KIF3C: variants seen among roughly 807,000 people sequenced by gnomAD.
KIF3C encodes kinesin family member 3C.
Under a neutral mutation model 67.7 loss-of-function variants are expected in KIF3C, and 12 were observed. The observed-to-expected ratio is 0.18, with a 90% CI of 0.11 to 0.29. The LOEUF (loss-of-function observed/expected upper bound fraction) is 0.29. Among genes scored for constraint, KIF3C ranks in the 10% least tolerant of loss-of-function variants. The pLI is 1.00. For synonymous variants in KIF3C, 393 were observed against 426.2 expected (o/e 0.92, Z 0.96); for missense variants, 789 against 1,059.6 (o/e 0.74, Z 3.55).
intron 5 of KIF3C, among the ~76,000 whole-genome samples, chr2:25,930,631 G>A (rs977678144): frequency 1.1e-4 from 17 of 152,056 alleles, no homozygotes; most frequent in Middle Eastern, 3.4e-3. Context: ...TCTGCCTCCC[G>A]GGTTCAAGTG....
At chr2:25,978,867 T>C (rs558871268) in intron 1 of KIF3C, among the ~76,000 whole-genome samples, 2 of 152,252 alleles carry the variant, frequency 1.3e-5, no homozygotes, top group East Asian at 3.9e-4. Flanking sequence ...AATATCTTGC[T>C]TCTCTCAGGA....
At chr2:25,930,231 T>C (rs955669803) in intron 5 of KIF3C, among the ~76,000 whole-genome samples, 168 bp from the exon 6 acceptor site, 1 of 152,212 alleles carries the variant, frequency 6.6e-6, no homozygotes, top group Non-Finnish European at 1.5e-5. Context: ...GCTAGTGCAG[T>C]TGTCCCCCTC....
intron 5 of KIF3C, among the ~76,000 whole-genome samples, chr2:25,950,513 C>G (rs575216975): frequency 6.6e-6 from 1 of 152,042 alleles, no homozygotes; most frequent in Non-Finnish European, 1.5e-5. Context: ...TGAGCCACCA[C>G]GCCCAGCTAG....
rs999922198 is a variant in KIF3C at position 25,955,221 on chromosome 2, C to T, written c.1770+320G>A. Among the ~76,000 whole-genome samples, 1 of 152,144 alleles carries T rather than the reference C, an allele frequency of 6.6e-6. No individual in the cohort carries two copies. Among genetic ancestry groups the T allele is most frequent in the Non-Finnish European group, 1.5e-5 (1 of 68,034 alleles). On this transcript the variant is annotated intron_variant, in intron 3 of 7. Transcript: ENST00000264712. This position sits in a 1 kb window ranked among gnomAD's most constrained non-coding sequence, Gnocchi z 5.0. The stretch of plus-strand genomic sequence containing the variant: ...TGTATTCCCCTGGCCCTGCTCCAGG[C>T]CCAGCTATCCCAACTGTGACTCACT...
In KIF3C at chr2:25,982,449, C is replaced by G. The variant is rs1291704516; in HGVS notation, c.-532G>C. 2.0e-5 allele frequency: 8 copies of G among 398,594 alleles called. No homozygotes were observed. The highest frequency in any genetic ancestry group is 3.5e-5 in the Non-Finnish European group (8 of 226,166). The allele number at this position is 398,594 out of a possible 1,614,324, so 24.7% of individuals were successfully genotyped here. A position where few individuals can be genotyped will look rare whatever the true frequency, so the allele number is the denominator to read the frequency against. ...GCAGCCAGCGCGGCTGCTGCTGCCT[C>G]TGCCTCCGCCTTCCCCGCCGCCGCC... is the stretch of plus-strand genomic sequence containing the variant. On this transcript the variant is annotated 5_prime_UTR_variant, in exon 1 of 8. Coordinates refer to ENST00000264712, the MANE Select transcript of KIF3C (RefSeq NM_002254.8).
chr2:25,935,628 C>T (rs1407754851), intron 5 of KIF3C, among the ~76,000 whole-genome samples: 1 of 152,098 alleles, frequency 6.6e-6, no homozygotes, highest in Non-Finnish European at 1.5e-5. Context: ...TCCCAAAGTG[C>T]TGGGACTTTA....
At chr2:25,941,197 G>C (rs1241593116) in intron 5 of KIF3C, among the ~76,000 whole-genome samples, 1 of 152,070 alleles carries the variant, frequency 6.6e-6, no homozygotes, top group Non-Finnish European at 1.5e-5. Context: ...TAAGCTACTC[G>C]GGAAGTTGAA....
At chr2:25,969,979 G>T (rs367946230) in intron 1 of KIF3C, among the ~76,000 whole-genome samples, 9 of 152,230 alleles carry the variant, frequency 5.9e-5, no homozygotes, top group African/African-American at 2.2e-4. Flanking sequence ...GCCTCCCGAA[G>T]TGCTGGGATT....
At chr2:25,937,855 G>A (rs974602690) in intron 5 of KIF3C, among the ~76,000 whole-genome samples, 1 of 152,062 alleles carries the variant, frequency 6.6e-6, no homozygotes, top group African/African-American at 2.4e-5. Context: ...AGGAGTTCAA[G>A]ACCAGCCTGG....
chr2:25,975,738 C>T (rs564979119), intron 1 of KIF3C, among the ~76,000 whole-genome samples: 1 of 152,130 alleles, frequency 6.6e-6, no homozygotes, highest in African/African-American at 2.4e-5. Context: ...GCGGGTGGAT[C>T]ATGAGGTCAG....
rs1027206014 is a variant in KIF3C at position 25,951,591 on chromosome 2, T to C, written c.2006+198A>G. 12 of 524,054 alleles carry C rather than the reference T, an allele frequency of 2.3e-5. No homozygotes were observed. The East Asian group carries it at 3.9e-4, about 17-fold the overall frequency. 32.5% of individuals were successfully genotyped at this position (524,054 alleles called of 1,614,324 possible). ...TCCCAGGCCAATGAGACACTTTTTT[T>C]CCCAGAACACCCTTCCATCATAGAG... On this transcript the variant is annotated intron_variant, in intron 5 of 7. Coordinates refer to ENST00000264712, the MANE Select transcript of KIF3C (RefSeq NM_002254.8).
Position 25,981,201 on chromosome 2 carries a change from C to T in KIF3C, c.717G>A (p.Val239=), listed in dbSNP as rs1485661800. ...RGSDGQDHIR[V]GKLNLVDLAG... ...CCAGGTCCACGAGGTTGAGCTTGCC[C>T]ACTCGGATGTGGTCCTGGCCATCAG... The change falls in exon 1 of 8, where the codon GTG becomes GTA. Residue 239 remains valine, a synonymous_variant. Coordinates refer to ENST00000264712, the MANE Select transcript of KIF3C (RefSeq NM_002254.8). This position sits in a 1 kb window ranked among gnomAD's most constrained non-coding sequence, Gnocchi z 8.2. 6.2e-7 allele frequency: 1 copy of T among 1,614,104 alleles called. No homozygotes were observed. Among genetic ancestry groups the T allele is most frequent in the Non-Finnish European group, 8.5e-7 (1 of 1,180,032 alleles).
chr2:25,949,505 C>T (rs1449746756), intron 5 of KIF3C, among the ~76,000 whole-genome samples: 1 of 151,906 alleles, frequency 6.6e-6, no homozygotes, highest in African/African-American at 2.4e-5. Flanking sequence ...GATTACACCA[C>T]TGCACTCCAG....
chr2:25,981,231 A>T lies in KIF3C; in HGVS notation c.687T>A (p.Arg229=), dbSNP rs1664585591. 1.2e-6 allele frequency: 2 copies of T among 1,614,020 alleles called. No individual in the cohort carries two copies. The highest frequency in any genetic ancestry group is 2.2e-5 in the South Asian group (2 of 91,084). Residue 229 remains arginine (R), a synonymous_variant, in exon 1 of 8, where the codon CGT becomes CGA. Transcript: ENST00000264712. This position sits in a 1 kb window ranked among gnomAD's most constrained non-coding sequence, Gnocchi z 8.2. The part of the protein sequence containing the change: ...IFIITVECSE[R]GSDGQDHIRV... Reference sequence around the variant, plus strand: ...GGATGTGGTCCTGGCCATCAGAGCCACGTTCGCTGCACTCCACAGTGATGA... The same window carrying T: ...GGATGTGGTCCTGGCCATCAGAGCCTCGTTCGCTGCACTCCACAGTGATGA...
chr2:25,940,081 C>T (rs1574480621), intron 5 of KIF3C, among the ~76,000 whole-genome samples: 6 of 152,146 alleles, frequency 3.9e-5, no homozygotes, highest in Admixed American at 3.3e-4. Context: ...TAGAGCAGGC[C>T]GGTTTCTCCA....
At chr2:25,946,391 C>A (rs1409000800) in intron 5 of KIF3C, among the ~76,000 whole-genome samples, 1 of 151,718 alleles carries the variant, frequency 6.6e-6, no homozygotes, top group Non-Finnish European at 1.5e-5. Context: ...CCCATCTCTA[C>A]TAAAAATATA....
intron 1 of KIF3C, among the ~76,000 whole-genome samples, chr2:25,962,045 G>T (rs1427445334): frequency 1.3e-5 from 2 of 151,950 alleles, no homozygotes; most frequent in Non-Finnish European, 2.9e-5. Flanking sequence ...GAAAAGGAAA[G>T]ATCCAGGCTT....
rs141632227 is a variant in KIF3C at position 25,956,222 on chromosome 2, T to C, written c.1647+121A>G. On this transcript the variant is annotated intron_variant, in intron 2 of 7. Coordinates refer to ENST00000264712, the MANE Select transcript of KIF3C (RefSeq NM_002254.8). ...CCTGTGGGACCCAGGGTGGCATGTC[T>C]GAGATTCTCAGCACTGTAATTCCAG... 2.4e-4 allele frequency: 180 copies of C among 760,394 alleles called. 1 individual carries two copies. Among genetic ancestry groups the C allele is most frequent in the African/African-American group, 2.1e-3 (123 of 57,920 alleles). The allele number at this position is 760,394 out of a possible 1,614,324, so 47.1% of individuals were successfully genotyped here. A position where few individuals can be genotyped will look rare whatever the true frequency, so the allele number is the denominator to read the frequency against.
chr2:25,951,699 C>G (rs1663617363), intron 5 of KIF3C, 90 bp downstream of exon 5: 1 of 781,684 alleles, frequency 1.3e-6, no homozygotes, highest in African/African-American at 1.7e-5. Flanking sequence ...CATCTGTCTC[C>G]CTGCAGGCAA....
Sources: allele counts gnomAD v4.1 joint callset (sites outside exome capture counted in the v4.1 genomes callset), GRCh38; gene constraint gnomAD v4.1.1; non-coding constraint Gnocchi (gnomAD v3.1); transcripts MANE v1.5; gene names NCBI Gene and HGNC (gene_info 2026-07-23, HGNC 2026-07-21).